Variants in ARHGEF3 observed in about 807,000 individuals in gnomAD.
ARHGEF3 encodes the protein 59.8 kDA protein.
Under a neutral mutation model 63.2 loss-of-function variants are expected in ARHGEF3, and 28 were observed. The ratio of observed to expected loss-of-function variants is 0.44; its 90% CI spans 0.33 to 0.61. The LOEUF (loss-of-function observed/expected upper bound fraction) is 0.61, where lower values mean the gene tolerates loss of function less well. Ranked by LOEUF, ARHGEF3 falls within the 20% of genes least tolerant of loss-of-function variation. The probability of loss-of-function intolerance (pLI) is 0.03; values close to 1 mark genes in which losing one functional copy is unlikely to be tolerated. For synonymous variants in ARHGEF3, 266 were observed against 254.2 expected (o/e 1.05, Z -0.44); for missense variants, 533 against 659.3 (o/e 0.81, Z 2.10).
chr3:56,937,930 TA>T (rs1698981588), intron 3 of ARHGEF3, among the ~76,000 whole-genome samples: 1 of 152,194 alleles, frequency 6.6e-6, no homozygotes, highest in Admixed American at 6.5e-5. Flanking sequence ...CATCTGTCCA[TA>T]AAAAAGTAAT....
intron 1 of ARHGEF3, among the ~76,000 whole-genome samples, chr3:56,792,076 A>G (rs1357698981): frequency 6.8e-6 from 1 of 147,368 alleles, no homozygotes; most frequent in Non-Finnish European, 1.5e-5. Context: ...GCTGCACTCC[A>G]GACTGGACAA....
chr3:56,981,187 T>C (rs1286977931), intron 2 of ARHGEF3, among the ~76,000 whole-genome samples: 4 of 152,270 alleles, frequency 2.6e-5, no homozygotes, highest in African/African-American at 7.2e-5. Context: ...AGATATCTGC[T>C]TGGTGTCTTG....
chr3:56,819,981 T>C (rs1578597576), intron 4 of ARHGEF3, among the ~76,000 whole-genome samples: 1 of 152,150 alleles, frequency 6.6e-6, no homozygotes, highest in East Asian at 1.9e-4. Context: ...AGCTAATTTT[T>C]TTAGTTTTTG....
chr3:57,060,232 T>A (rs1371184877), intron 1 of ARHGEF3, among the ~76,000 whole-genome samples: 2 of 146,608 alleles, frequency 1.4e-5, no homozygotes, highest in Non-Finnish European at 3.0e-5. Flanking sequence ...GCCTGGGAGG[T>A]CAAGGCTGCA....
At chr3:56,842,116 A>G (rs551315024) in intron 4 of ARHGEF3, among the ~76,000 whole-genome samples, 1 of 152,320 alleles carries the variant, frequency 6.6e-6, no homozygotes, top group South Asian at 2.1e-4. Flanking sequence ...TTACCAAGTT[A>G]GTTATGGAGG....
At chr3:57,023,782 C>G (rs909315258) in intron 2 of ARHGEF3, among the ~76,000 whole-genome samples, 8 of 152,166 alleles carry the variant, frequency 5.3e-5, no homozygotes, top group Non-Finnish European at 2.9e-5. Context: ...CTGCTACTTC[C>G]CACGGGGAAT....
At chr3:56,965,645 C>CTTT (rs759458048) in intron 2 of ARHGEF3, among the ~76,000 whole-genome samples, 17 of 133,354 alleles carry the variant, frequency 1.3e-4, no homozygotes, top group African/African-American at 2.0e-4. Flanking sequence ...AAACTACATT[C>CTTT]TTTTTTTTTT....
chr3:56,938,888 G>A (rs1001989916), intron 3 of ARHGEF3: 1 of 152,250 alleles, frequency 6.6e-6, no homozygotes, highest in Non-Finnish European at 1.5e-5. Flanking sequence ...ACACTGTACA[G>A]AGAGATAGGA....
chr3:56,893,989 C>T (rs1032772432), intron 3 of ARHGEF3, among the ~76,000 whole-genome samples: 1 of 152,080 alleles, frequency 6.6e-6, no homozygotes. Context: ...GTATCAGAAC[C>T]GGTCACTCGT....
At chr3:56,872,101 A>G (rs1253361971) in intron 4 of ARHGEF3, among the ~76,000 whole-genome samples, 1 of 152,196 alleles carries the variant, frequency 6.6e-6, no homozygotes, top group African/African-American at 2.4e-5. Context: ...TTGTTTTTAA[A>G]TATTTTTATA....
chr3:56,940,581 G>A (rs1699130074), intron 3 of ARHGEF3: 2 of 152,144 alleles, frequency 1.3e-5, no homozygotes, highest in East Asian at 1.9e-4. Context: ...TCCCTCACAG[G>A]TGTCAGGATC....
At chr3:56,961,009 T>C (rs1426877248) in intron 2 of ARHGEF3, among the ~76,000 whole-genome samples, 1 of 152,178 alleles carries the variant, frequency 6.6e-6, no homozygotes, top group African/African-American at 2.4e-5. Context: ...TTATCTTACA[T>C]GTTGCAATCC....
intron 3 of ARHGEF3, among the ~76,000 whole-genome samples, chr3:56,929,801 A>C (rs1348994272): frequency 2.6e-5 from 4 of 152,176 alleles, no homozygotes; most frequent in African/African-American, 9.7e-5. Flanking sequence ...TAACAGGATG[A>C]CTGTTCTTGA....
intron 2 of ARHGEF3, chr3:57,007,076 A>C (rs151257043): frequency 2.0e-6 from 2 of 989,828 alleles, no homozygotes; most frequent in African/African-American, 3.4e-5. Flanking sequence ...GCTGACTATT[A>C]AGGTGTGCTC....
chr3:56,842,936 T>A (rs2039364089), intron 4 of ARHGEF3, among the ~76,000 whole-genome samples: 1 of 152,224 alleles, frequency 6.6e-6, no homozygotes, highest in African/African-American at 2.4e-5. Flanking sequence ...TGGCTAGTCA[T>A]GCCACCAGTT....
At chr3:57,064,196 G>T (rs182185605) in intron 1 of ARHGEF3, among the ~76,000 whole-genome samples, 31 of 152,322 alleles carry the variant, frequency 2.0e-4, no homozygotes, top group African/African-American at 6.3e-4. Flanking sequence ...TTGAGCCTGG[G>T]GGGTAGAGGT....
intron 4 of ARHGEF3, among the ~76,000 whole-genome samples, chr3:56,819,841 A>G (rs994003197): frequency 7.8e-6 from 1 of 127,876 alleles, no homozygotes; most frequent in Non-Finnish European, 1.7e-5. Flanking sequence ...TTTTTTTCTC[A>G]TTTTGTCATC....
intron 1 of ARHGEF3, chr3:56,775,160 CT>C: frequency 6.5e-7 from 1 of 1,532,096 alleles, no homozygotes; most frequent in Non-Finnish European, 8.8e-7. Context: ...TCAGCCATTG[CT>C]TTCAAAGTTT....
rs75491575 is a variant in ARHGEF3 at position 56,969,339 on chromosome 3, T to C, written c.63-10450A>G. On this transcript the variant is annotated intron_variant, in intron 2 of 12. Coordinates refer to the ARHGEF3 transcript ENST00000338458. ...AGTTCCTCTTCTGTAAAACGCTTGT[T>C]CAGTTCATTTGCTCATTTATATAAA... Among the ~76,000 whole-genome samples, 713 of 114,480 alleles carry C rather than the reference T, an allele frequency of 6.2e-3. 11 individuals carry two copies. Among genetic ancestry groups the C allele is most frequent in the African/African-American group, 0.021 (683 of 32,796 alleles). 75.1% of individuals were successfully genotyped at this position (114,480 alleles called of 152,430 possible).
Sources: allele counts gnomAD v4.1 joint callset (sites outside exome capture counted in the v4.1 genomes callset), GRCh38; gene constraint gnomAD v4.1.1; transcripts MANE v1.5; gene names NCBI Gene and HGNC (gene_info 2026-07-23, HGNC 2026-07-21).